Variants in ROCK1 observed in about 807,000 individuals in gnomAD.
ROCK1 encodes the protein rho-associated protein kinase 1.
ROCK1 carries 36 observed loss-of-function variants against 196.8 expected under a neutral mutation model. The observed-to-expected ratio is 0.18, with a 90% CI of 0.14 to 0.24. The LOEUF (loss-of-function observed/expected upper bound fraction) is 0.24. Ranked by LOEUF, ROCK1 falls within the 10% of genes least tolerant of loss-of-function variation. The probability of loss-of-function intolerance (pLI) is 1.00; values close to 1 mark genes in which losing one functional copy is unlikely to be tolerated. For missense variants in ROCK1, 920 were observed against 1,562.0 expected, an observed-to-expected ratio of 0.59 and a Z score of 6.93; for synonymous variants, 443 against 515.9, an observed-to-expected ratio of 0.86 and a Z score of 1.91.
At chr18:20,990,693 C>CAAAAAAAAAAAA (rs1170099682) in intron 18 of ROCK1, among the ~76,000 whole-genome samples, 1 of 22,586 alleles carries the variant, frequency 4.4e-5, no homozygotes, top group African/African-American at 1.1e-4. Flanking sequence ...AACTTCGTCT[C>CAAAAAAAAAAAA]AAAAAAAAAA....
chr18:21,104,466 G>A (rs557596501), intron 1 of ROCK1, among the ~76,000 whole-genome samples: 18 of 152,128 alleles, frequency 1.2e-4, no homozygotes, highest in Non-Finnish European at 2.2e-4. Flanking sequence ...GTGCGGTGGC[G>A]GGCGCCTGTA....
intron 16 of ROCK1, among the ~76,000 whole-genome samples, chr18:21,002,164 T>C (rs2035730609): frequency 6.6e-6 from 1 of 152,172 alleles, no homozygotes; most frequent in South Asian, 2.1e-4. Flanking sequence ...CCAACAGTAG[T>C]GAGCACCCAT....
rs1434765411 is a variant in ROCK1 at position 20,959,172 on chromosome 18, T to A, written c.3512+668A>T. 6.5e-4 allele frequency among the ~76,000 whole-genome samples: 41 copies of A among 62,744 alleles called. 1 individual carries two copies. The highest frequency in any genetic ancestry group is 5.1e-3 in the Admixed American group (17 of 3,308). The allele number at this position is 62,744 out of a possible 152,430, so 41.2% of individuals were successfully genotyped here. On this transcript the variant is annotated intron_variant, in intron 29 of 32. Coordinates refer to ENST00000399799, the MANE Select transcript of ROCK1 (RefSeq NM_005406.3). ...AATATATATATTATATATTATATAA[T>A]ATATATAATATTATATATAATATAT...
At chr18:21,037,260 TC>T (rs1219525034) in intron 9 of ROCK1, among the ~76,000 whole-genome samples, 2 of 152,176 alleles carry the variant, frequency 1.3e-5, no homozygotes, top group African/African-American at 4.8e-5. Context: ...CTGCCAAAAA[TC>T]AAGCTATTTT....
intron 25 of ROCK1, 29 bp downstream of exon 25, chr18:20,968,743 C>A: frequency 7.6e-7 from 1 of 1,310,014 alleles, no homozygotes; most frequent in Non-Finnish European, 1.1e-6. Flanking sequence ...CAAAAATGAA[C>A]ATGTGGAAAA....
At chr18:21,092,939 T>C (rs1258149197) in intron 1 of ROCK1, among the ~76,000 whole-genome samples, 1 of 152,206 alleles carries the variant, frequency 6.6e-6, no homozygotes, top group African/African-American at 2.4e-5. Flanking sequence ...ATATTTATTT[T>C]AATGTCAGAT....
At chr18:21,022,168 T>C (rs772699042) in intron 11 of ROCK1, among the ~76,000 whole-genome samples, 1 of 152,052 alleles carries the variant, frequency 6.6e-6, no homozygotes, top group Non-Finnish European at 1.5e-5. Context: ...CACAAAAAAA[T>C]GTAGGCTATA....
intron 32 of ROCK1, among the ~76,000 whole-genome samples, chr18:20,952,359 G>A (rs1297729843): frequency 6.6e-6 from 1 of 150,716 alleles, no homozygotes; most frequent in Non-Finnish European, 1.5e-5. Context: ...TCTGGCCTGG[G>A]TGACAGAGCG....
chr18:21,015,509 AAT>A, intron 12 of ROCK1, 30 bp from the exon 13 acceptor site: 1 of 1,368,904 alleles, frequency 7.3e-7, no homozygotes, highest in Non-Finnish European at 1.0e-6. Flanking sequence ...ACAGATTAGA[AAT>A]ATACGTATTT....
chr18:20,956,072 A>C (rs2143323588), intron 29 of ROCK1, among the ~76,000 whole-genome samples: 1 of 152,270 alleles, frequency 6.6e-6, no homozygotes, highest in African/African-American at 2.4e-5. Context: ...ATTGGAAAGA[A>C]AGGAGTAAAA....
chr18:21,110,054 T>C (rs1016620954), intron 1 of ROCK1, among the ~76,000 whole-genome samples: 9 of 152,162 alleles, frequency 5.9e-5, no homozygotes, highest in African/African-American at 2.2e-4. Context: ...TCCAATTATT[T>C]ACAGATAACT....
intron 32 of ROCK1, among the ~76,000 whole-genome samples, chr18:20,952,732 G>A (rs1268145279): frequency 1.7e-4 from 25 of 150,510 alleles, no homozygotes; most frequent in South Asian, 1.5e-3. Context: ...CTGAGATAGC[G>A]CCACCACTGC....
rs1341866001 is a variant in ROCK1, at chr18:20,982,223, ACACT to A, written c.2559+536_2559+539del. On this transcript the variant is annotated intron_variant, in intron 21 of 32. Coordinates refer to ENST00000399799, the MANE Select transcript of ROCK1 (RefSeq NM_005406.3). The stretch of plus-strand genomic sequence containing the variant: ...TACTTTGAATAATTACGTTTAGCAA[ACACT>A]CAGGGAAAGAGTTTTCAACAATATT... Among the ~76,000 whole-genome samples, 7 of 152,330 alleles carry A rather than the reference ACACT, an allele frequency of 4.6e-5. No homozygotes were observed. In the East Asian group the frequency reaches 1.3e-3, roughly 29 times the overall value.
chr18:21,103,735 G>A (rs982799808), intron 1 of ROCK1, among the ~76,000 whole-genome samples: 9 of 152,068 alleles, frequency 5.9e-5, no homozygotes, highest in African/African-American at 1.9e-4. Flanking sequence ...CACCATGCCA[G>A]GCCTATCATA....
At chr18:20,979,633 A>T (rs1316400126) in intron 22 of ROCK1, among the ~76,000 whole-genome samples, 1 of 152,116 alleles carries the variant, frequency 6.6e-6, no homozygotes, top group African/African-American at 2.4e-5. Flanking sequence ...AAAAAAAAAA[A>T]TTAAAAAAAT....
chr18:21,011,668 C>A (rs1363346599), intron 13 of ROCK1, among the ~76,000 whole-genome samples: 1 of 152,110 alleles, frequency 6.6e-6, no homozygotes, highest in Non-Finnish European at 1.5e-5. Context: ...GTTGCTCAGG[C>A]TGGTCTTGAA....
Position 20,971,333 on chromosome 18 carries a change from CACACACACACAT to C in ROCK1, c.2655-832_2655-821del, listed in dbSNP as rs1378797078. 5.6e-3 allele frequency among the ~76,000 whole-genome samples: 506 copies of C among 89,932 alleles called. 4 individuals are homozygous for C. Among genetic ancestry groups the C allele is most frequent in the African/African-American group, 0.018 (481 of 26,374 alleles). 59.0% of individuals were successfully genotyped at this position (89,932 alleles called of 152,430 possible). On this transcript the variant is annotated intron_variant, in intron 22 of 32. Coordinates refer to ENST00000399799, the MANE Select transcript of ROCK1 (RefSeq NM_005406.3). ...ACACACACACACACACACACACACA[CACACACACACAT>C]ACACACAGAAAATTCATTAATTCAC...
intron 24 of ROCK1, 50 bp from the exon 25 acceptor site, chr18:20,968,910 T>C: frequency 8.1e-7 from 1 of 1,241,292 alleles, no homozygotes; most frequent in Non-Finnish European, 1.2e-6. Flanking sequence ...ATTTAATTTC[T>C]GCATTTCAAA....
At chr18:20,986,225 A>G (rs1295336599) in intron 19 of ROCK1, among the ~76,000 whole-genome samples, 2 of 152,218 alleles carry the variant, frequency 1.3e-5, no homozygotes, top group South Asian at 2.1e-4. Context: ...ACTACTCAAC[A>G]TGTCTTCGTT....
Sources: allele counts gnomAD v4.1 joint callset (sites outside exome capture counted in the v4.1 genomes callset), GRCh38; gene constraint gnomAD v4.1.1; transcripts MANE v1.5; gene names NCBI Gene and HGNC (gene_info 2026-07-23, HGNC 2026-07-21).